THSD7B: variants seen among roughly 807,000 people sequenced by gnomAD.
THSD7B encodes thrombospondin type 1 domain containing 7B, also known as thrombospondin type-1 domain-containing protein 7B.
Under a neutral mutation model 213.6 loss-of-function variants are expected in THSD7B, and 138 were observed. That is an observed-to-expected ratio of 0.65 (90% CI 0.56 to 0.74). The LOEUF (loss-of-function observed/expected upper bound fraction) is 0.74, where lower values mean the gene tolerates loss of function less well. THSD7B is among the 30% of genes least tolerant of loss of function. THSD7B has a pLI of 0.00. For synonymous variants in THSD7B, 742 were observed against 687.0 expected (o/e 1.08, Z -1.25); for missense variants, 1,931 against 1,991.5 (o/e 0.97, Z 0.58).
chr2:136,956,026 C>CA (rs766980289), intron 2 of THSD7B, among the ~76,000 whole-genome samples: 1,483 of 58,612 alleles, frequency 0.025, 14 homozygotes, highest in Middle Eastern at 0.055. Context: ...GACTCCGTCT[C>CA]AAAAAAAAAA....
At chr2:137,318,828 CTT>C in intron 12 of THSD7B, among the ~76,000 whole-genome samples, 1 of 102,776 alleles carries the variant, frequency 9.7e-6, no homozygotes, top group South Asian at 3.6e-4. Context: ...GAGTCTCACT[CTT>C]GTTGCCCAGG....
In THSD7B at chr2:137,156,711, C is replaced by A. The variant is rs114550443; in HGVS notation, c.1370-3502C>A. The stretch of plus-strand genomic sequence containing the variant: ...ACAAACGCAGCTTCAGAACGTATTT[C>A]CCAGGCTTTTTACAGCTGCACTGCC... On this transcript the variant is annotated intron_variant, in intron 5 of 27. Transcript: ENST00000409968. Among the ~76,000 whole-genome samples, 334 of 152,258 alleles carry A rather than the reference C, an allele frequency of 2.2e-3. 4 individuals are homozygous for A. The highest frequency in any genetic ancestry group is 7.6e-3 in the African/African-American group (314 of 41,548).
At chr2:137,281,864 A>G (rs1431537148) in intron 12 of THSD7B, among the ~76,000 whole-genome samples, 5 of 152,172 alleles carry the variant, frequency 3.3e-5, no homozygotes, top group African/African-American at 4.8e-5. Context: ...CAATAAACAC[A>G]CGTGTGCATG....
At chr2:136,944,830 G>T (rs563624528) in intron 2 of THSD7B, among the ~76,000 whole-genome samples, 46 of 150,918 alleles carry the variant, frequency 3.0e-4, no homozygotes, top group African/African-American at 1.1e-3. Context: ...GATGGGTCTT[G>T]ACTCTTTATC....
At chr2:136,916,778 C>G (rs148075006) in intron 2 of THSD7B, among the ~76,000 whole-genome samples, 2,654 of 152,222 alleles carry the variant, frequency 0.017, 46 homozygotes, top group South Asian at 0.025. Flanking sequence ...CTGTCTTTAC[C>G]TCCACACTCA....
chr2:137,372,855 A>T (rs1383323822), intron 12 of THSD7B, among the ~76,000 whole-genome samples: 1 of 57,564 alleles, frequency 1.7e-5, no homozygotes, highest in Admixed American at 2.5e-4. Context: ...CCCTCCCCCC[A>T]CCCCACAACA....
intron 18 of THSD7B, among the ~76,000 whole-genome samples, chr2:137,617,539 T>C (rs890790272): frequency 2.0e-5 from 3 of 152,218 alleles, no homozygotes; most frequent in African/African-American, 7.2e-5. Context: ...TTGTGTGCCC[T>C]TCCCTCTTTC....
intron 20 of THSD7B, among the ~76,000 whole-genome samples, chr2:137,638,276 A>G (rs1682869981): frequency 6.6e-6 from 1 of 152,178 alleles, no homozygotes; most frequent in South Asian, 2.1e-4. Context: ...TAACTGAATC[A>G]TGGGTGCCGG....
At chr2:136,848,741 G>A (rs1387859550) in intron 1 of THSD7B, among the ~76,000 whole-genome samples, 1 of 152,104 alleles carries the variant, frequency 6.6e-6, no homozygotes, top group Non-Finnish European at 1.5e-5. Flanking sequence ...TATTGAGAAT[G>A]AAATGTTCTT....
At chr2:136,933,107 C>T (rs1684658311) in intron 2 of THSD7B, among the ~76,000 whole-genome samples, 1 of 135,222 alleles carries the variant, frequency 7.4e-6, no homozygotes. Flanking sequence ...TTTTGCCCGC[C>T]ATTCCTTCCT....
At chr2:137,614,336 TA>T (rs1682343145) in intron 17 of THSD7B, among the ~76,000 whole-genome samples, 1 of 152,152 alleles carries the variant, frequency 6.6e-6, no homozygotes, top group African/African-American at 2.4e-5. Context: ...TTAGAGTATA[TA>T]AGTGAATTGT....
intron 12 of THSD7B, among the ~76,000 whole-genome samples, chr2:137,341,082 C>T (rs76893214): frequency 0.013 from 1,967 of 150,534 alleles, 56 homozygotes; most frequent in African/African-American, 0.046. Context: ...CTCGAGGTTC[C>T]CTTTTCTCGA....
At chr2:137,108,588 A>C (rs1239187431) in intron 4 of THSD7B, among the ~76,000 whole-genome samples, 1 of 152,168 alleles carries the variant, frequency 6.6e-6, no homozygotes, top group Non-Finnish European at 1.5e-5. Flanking sequence ...TCTCTAATCC[A>C]AAGTTTGTGT....
chr2:137,530,211 C>A (rs1345780395), intron 15 of THSD7B, among the ~76,000 whole-genome samples: 1 of 151,976 alleles, frequency 6.6e-6, no homozygotes, highest in Non-Finnish European at 1.5e-5. Context: ...AGGGATCCAA[C>A]ATGAGTAAAT....
chr2:136,866,776 C>A (rs1164581541), intron 1 of THSD7B, among the ~76,000 whole-genome samples: 1 of 152,126 alleles, frequency 6.6e-6, no homozygotes, highest in African/African-American at 2.4e-5. Context: ...TGGCAACAGT[C>A]TGGAAAGTAT....
intron 15 of THSD7B, among the ~76,000 whole-genome samples, chr2:137,526,641 C>G (rs1680285823): frequency 6.6e-6 from 1 of 152,118 alleles, no homozygotes; most frequent in African/African-American, 2.4e-5. Context: ...CCAGGCTGGT[C>G]TCGAAATCCT....
At chr2:137,503,365 C>T (rs915965965) in intron 15 of THSD7B, among the ~76,000 whole-genome samples, 10 of 152,142 alleles carry the variant, frequency 6.6e-5, no homozygotes, top group Admixed American at 2.6e-4. Context: ...CCACTGTTGC[C>T]CTAGACCCTG....
intron 12 of THSD7B, among the ~76,000 whole-genome samples, chr2:137,278,602 A>T (rs1171907635): frequency 1.3e-5 from 2 of 152,082 alleles, no homozygotes; most frequent in East Asian, 1.9e-4. Flanking sequence ...AAGAGAGGAC[A>T]TTGGCATTCC....
intron 12 of THSD7B, among the ~76,000 whole-genome samples, chr2:137,360,764 C>A (rs894697473): frequency 6.6e-6 from 1 of 152,190 alleles, no homozygotes; most frequent in Non-Finnish European, 1.5e-5. Context: ...TCTGTACACC[C>A]CACCTCTGGG....
Sources: allele counts gnomAD v4.1 joint callset (sites outside exome capture counted in the v4.1 genomes callset), GRCh38; gene constraint gnomAD v4.1.1; transcripts MANE v1.5; gene names NCBI Gene and HGNC (gene_info 2026-07-23, HGNC 2026-07-21).